Variants in VPS54 observed in about 807,000 individuals in gnomAD.
VPS54 encodes VPS54 subunit of GARP complex, also known as vacuolar protein sorting-associated protein 54.
Under a neutral mutation model 121.5 loss-of-function variants are expected in VPS54, and 45 were observed. The ratio of observed to expected loss-of-function variants is 0.37; its 90% CI spans 0.29 to 0.47. The LOEUF (loss-of-function observed/expected upper bound fraction) is 0.47, where lower values mean the gene tolerates loss of function less well. Among genes scored for constraint, VPS54 ranks in the 20% least tolerant of loss-of-function variants. VPS54 has a pLI of 0.99. For synonymous variants in VPS54, 371 were observed against 385.8 expected, an observed-to-expected ratio of 0.96 and a Z score of 0.45; for missense variants, 1,090 against 1,131.4, an observed-to-expected ratio of 0.96 and a Z score of 0.52.
chr2:63,920,513 C>T lies in VPS54; in HGVS notation c.1984G>A (p.Gly662Arg). 6.3e-7 allele frequency: 1 copy of T among 1,588,762 alleles called. No homozygotes were observed. The highest frequency in any genetic ancestry group is 8.6e-7 in the Non-Finnish European group (1 of 1,167,994). Residue 662 changes from glycine (G) to arginine (R), a missense_variant, in exon 14 of 23, where the codon GGA (glycine) becomes AGA (arginine). Physicochemically the swap from Gly to Arg is moderately radical, Grantham distance 125. Around this residue, in one of 2 missense-constraint regions of VPS54, gnomAD observed 289 missense variants for 374.4 expected, o/e 0.77. Coordinates refer to ENST00000272322, the MANE Select transcript of VPS54 (RefSeq NM_016516.3). ...ICGRKSTSLLGALQSQAIKFV... is the reference protein window; with the variant it reads ...ICGRKSTSLLRALQSQAIKFV... The stretch of plus-strand genomic sequence containing the variant: ...TTAATAGCTTGGCTCTGAAGTGCTC[C>T]AAGTAATGACGTGCTTTTTCTTCCA...
chr2:64,000,817 G>C (rs1677837659), intron 1 of VPS54, among the ~76,000 whole-genome samples: 1 of 152,206 alleles, frequency 6.6e-6, no homozygotes, highest in Admixed American at 6.5e-5. Flanking sequence ...ACTGCACTGG[G>C]TCAGACCTGA....
rs977451419 is a variant in VPS54 at position 63,983,884 on chromosome 2, A to C, written c.116T>G (p.Val39Gly). The C allele has an allele frequency of 3.7e-6, 6 of 1,606,714 alleles. No individual in the cohort carries two copies. In the Admixed American group the frequency reaches 6.7e-5, roughly 18 times the overall value. Reference protein sequence around the residue: ...HIRPVPSLPDVCPKEPTGDSH... With the variant: ...HIRPVPSLPDGCPKEPTGDSH... ...ATTACCTGTGGGTTCCTTGGGACACACATCTGGCAGTGATGGCACAGGTCG... is the reference window on the plus strand; with the variant it reads ...ATTACCTGTGGGTTCCTTGGGACACCCATCTGGCAGTGATGGCACAGGTCG... Residue 39 changes from valine (V) to glycine (G), a missense_variant, in exon 2 of 23, where the codon GTG (valine) becomes GGG (glycine). Val to Gly is a moderately radical substitution (Grantham distance 109). Transcript: ENST00000272322.
At chr2:63,908,334 T>G (rs1558982983) in intron 20 of VPS54, among the ~76,000 whole-genome samples, 2 of 152,138 alleles carry the variant, frequency 1.3e-5, no homozygotes, top group Admixed American at 6.5e-5. Context: ...TCTGTATAAT[T>G]CTACTTAGAG....
At chr2:63,986,873 G>C (rs552019835) in intron 1 of VPS54, among the ~76,000 whole-genome samples, 3 of 152,254 alleles carry the variant, frequency 2.0e-5, no homozygotes, top group Admixed American at 2.0e-4. Flanking sequence ...GTTTTCTCTT[G>C]AGTAATATCT....
chr2:63,992,198 G>C (rs1272819981), intron 1 of VPS54, among the ~76,000 whole-genome samples: 1 of 152,204 alleles, frequency 6.6e-6, no homozygotes, highest in Non-Finnish European at 1.5e-5. Flanking sequence ...AAGGAGATAA[G>C]ACACGTGGCC....
At chr2:63,946,445 C>A (rs1248938565) in intron 9 of VPS54, among the ~76,000 whole-genome samples, 1 of 151,922 alleles carries the variant, frequency 6.6e-6, no homozygotes, top group Non-Finnish European at 1.5e-5. Flanking sequence ...TTTGGCATTA[C>A]TATATATTGC....
In VPS54 at chr2:64,013,255, C is replaced by A. The variant is rs181488519; in HGVS notation, c.-21+5683G>T. On this transcript the variant is annotated intron_variant, in intron 1 of 22. Transcript: ENST00000272322. Reference sequence around the variant, plus strand: ...ACACATCATCTGTGTGATGGTCTCACCAGAAATGTCTGACTAGAATCTAAT... The same window carrying A: ...ACACATCATCTGTGTGATGGTCTCAACAGAAATGTCTGACTAGAATCTAAT... Among the ~76,000 whole-genome samples the A allele has an allele frequency of 2.0e-5, 3 of 152,246 alleles. No homozygotes were observed. The South Asian group carries it at 6.2e-4, about 32-fold the overall frequency.
At chr2:63,972,689 T>C (rs1466311265) in intron 3 of VPS54, among the ~76,000 whole-genome samples, 1 of 151,884 alleles carries the variant, frequency 6.6e-6, no homozygotes, top group Non-Finnish European at 1.5e-5. Context: ...AGTTCAATAC[T>C]AGCCTGGCCA....
chr2:64,003,120 G>A (rs1415641921), intron 1 of VPS54, among the ~76,000 whole-genome samples: 1 of 152,088 alleles, frequency 6.6e-6, no homozygotes, highest in East Asian at 1.9e-4. Flanking sequence ...ACCTTAAGAA[G>A]GTTTCAGGAT....
chr2:63,894,394 G>A (rs1672352250), intron 22 of VPS54, among the ~76,000 whole-genome samples: 2 of 152,192 alleles, frequency 1.3e-5, no homozygotes, highest in Non-Finnish European at 2.9e-5. Flanking sequence ...TAGGGGAAAT[G>A]TCTAATTTAT....
At chr2:63,899,617 C>T in intron 20 of VPS54, 36 bp from the exon 21 acceptor site, 1 of 1,544,780 alleles carries the variant, frequency 6.5e-7, no homozygotes, top group Non-Finnish European at 8.9e-7. Flanking sequence ...ATGTTCATGT[C>T]CTCTGAATTG....
chr2:63,918,267 T>C (rs1364392897), intron 15 of VPS54, among the ~76,000 whole-genome samples: 4 of 152,004 alleles, frequency 2.6e-5, no homozygotes, highest in African/African-American at 9.7e-5. Context: ...ACAAAACACA[T>C]GAGTAATTCA....
At chr2:63,961,112 T>C (rs1485857582) in intron 7 of VPS54, among the ~76,000 whole-genome samples, 1 of 152,218 alleles carries the variant, frequency 6.6e-6, no homozygotes, top group African/African-American at 2.4e-5. Flanking sequence ...AAATAAATTG[T>C]AGAGACTTTT....
rs963874020 is a variant in VPS54, at chr2:63,992,987, C to T, written c.-20-8968G>A. 2.6e-5 allele frequency among the ~76,000 whole-genome samples: 4 copies of T among 152,314 alleles called. No homozygotes were observed. In the South Asian group the frequency reaches 8.3e-4, roughly 32 times the overall value. On this transcript the variant is annotated intron_variant, in intron 1 of 22. Transcript: ENST00000272322. ...TGTTGGGCAAGTGCTTTCACCAGTT[C>T]GAGCCCAGTTTCCCCAGGCCTATAT...
chr2:63,962,441 C>T lies in VPS54; in HGVS notation c.627G>A (p.Leu209=). Residue 209 remains leucine (L), a splice_region_variant and synonymous_variant, in exon 7 of 23, where the codon CTG becomes CTA. Coordinates refer to ENST00000272322, the MANE Select transcript of VPS54 (RefSeq NM_016516.3). ...AASSKLLQEK[L]SHYLDIVEVN... is the part of the protein sequence containing the mutation. ...CTTCCACAATATCCAGATAATGGCT[C>T]AGCTTAAAAGAGAAGGAAAAAAAAT... The T allele has an allele frequency of 6.2e-7, 1 of 1,606,906 alleles. No individual in the cohort carries two copies. Among genetic ancestry groups the T allele is most frequent in the Non-Finnish European group, 8.5e-7 (1 of 1,176,356 alleles).
intron 12 of VPS54, among the ~76,000 whole-genome samples, chr2:63,923,142 C>T (rs1192485980): frequency 2.6e-5 from 4 of 151,720 alleles, no homozygotes; most frequent in Admixed American, 1.3e-4. Context: ...GGTGAAACCC[C>T]GTCTCTACTA....
chr2:63,913,991 A>G (rs1673267127), intron 17 of VPS54, 191 bp downstream of exon 17: 2 of 1,239,316 alleles, frequency 1.6e-6, no homozygotes, highest in Admixed American at 6.3e-5. Flanking sequence ...GAGGATCACT[A>G]ACTGTGGAGT....
intron 1 of VPS54, among the ~76,000 whole-genome samples, chr2:64,010,474 C>T (rs1045790629): frequency 1.2e-4 from 18 of 152,310 alleles, no homozygotes; most frequent in Non-Finnish European, 2.5e-4. Context: ...CTGCCCCCTC[C>T]TTTCTCCACC....
intron 22 of VPS54, among the ~76,000 whole-genome samples, chr2:63,895,378 T>C (rs939184138): frequency 6.6e-6 from 1 of 152,052 alleles, no homozygotes; most frequent in Non-Finnish European, 1.5e-5. Context: ...TGCTTGAACC[T>C]GGGAGGTGGA....
Sources: allele counts gnomAD v4.1 joint callset (sites outside exome capture counted in the v4.1 genomes callset), GRCh38; gene constraint gnomAD v4.1.1; regional missense constraint gnomAD v4.1.1; transcripts MANE v1.5; gene names NCBI Gene and HGNC (gene_info 2026-07-23, HGNC 2026-07-21).